Variants in FANCM observed in about 807,000 individuals in gnomAD.
The protein encoded by FANCM is Fanconi anemia group M protein.
A neutral mutation model predicts 199.5 loss-of-function variants in FANCM; 140 were observed. That is an observed-to-expected ratio of 0.70 (90% CI 0.61 to 0.81). FANCM has a LOEUF of 0.81. FANCM is among the 30% of genes least tolerant of loss of function. The pLI is 0.00. For synonymous variants in FANCM, 840 were observed against 836.8 expected (o/e 1.00, Z -0.07); for missense variants, 2,410 against 2,421.4 (o/e 1.00, Z 0.10).
chr14:45,170,567 C>A (rs1490013702), intron 11 of FANCM, 22 bp from the exon 12 acceptor site: 1 of 1,556,858 alleles, frequency 6.4e-7, no homozygotes, highest in South Asian at 1.1e-5. Flanking sequence ...AGTCTCTTTT[C>A]CATTATTTTT....
In FANCM at chr14:45,160,690, G is replaced by A. The variant is rs1477391609; in HGVS notation, c.1581+1410G>A. ...CTCCCGAGTAGCTGGGACTACAGGT[G>A]CCCACCACGCCCAGCTAATTTTTTG... On this transcript the variant is annotated intron_variant, in intron 9 of 22. Transcript: ENST00000267430. Among the ~76,000 whole-genome samples the A allele has an allele frequency of 1.5e-4, 22 of 151,722 alleles. 1 individual carries two copies. The highest frequency in any genetic ancestry group is 1.4e-3 in the Admixed American group (22 of 15,236).
chr14:45,146,776 T>C (rs369450455), intron 3 of FANCM, among the ~76,000 whole-genome samples: 2 of 134,570 alleles, frequency 1.5e-5, no homozygotes, highest in South Asian at 2.2e-4. Flanking sequence ...GAGCTTGCAG[T>C]GAGCCGAGAT....
intron 20 of FANCM, among the ~76,000 whole-genome samples, chr14:45,194,532 T>C (rs1889953327): frequency 6.6e-6 from 1 of 152,214 alleles, no homozygotes; most frequent in Non-Finnish European, 1.5e-5. Flanking sequence ...CTTAAAACTG[T>C]ATCCTCAGGT....
chr14:45,192,778 A>G (rs1889844761), intron 20 of FANCM, among the ~76,000 whole-genome samples: 1 of 152,126 alleles, frequency 6.6e-6, no homozygotes, highest in Non-Finnish European at 1.5e-5. Context: ...GCGGTGAGCT[A>G]TGATCATGCC....
chr14:45,168,733 T>C (rs1046287132), intron 11 of FANCM, among the ~76,000 whole-genome samples: 2 of 148,098 alleles, frequency 1.4e-5, no homozygotes, highest in African/African-American at 4.9e-5. Flanking sequence ...TTACTATGTA[T>C]TTTGCTAATG....
At chr14:45,158,079 G>A (rs1175510412) in intron 8 of FANCM, among the ~76,000 whole-genome samples, 1 of 151,998 alleles carries the variant, frequency 6.6e-6, no homozygotes, top group Non-Finnish European at 1.5e-5. Flanking sequence ...TGAGCCTGTA[G>A]TCCCAGCTAC....
In FANCM at chr14:45,143,913, C is replaced by T. The variant is rs541288823; in HGVS notation, c.759+3204C>T. On this transcript the variant is annotated intron_variant, in intron 3 of 22. Coordinates refer to ENST00000267430, the MANE Select transcript of FANCM (RefSeq NM_020937.4). ...TTCACCATGTTGGTCAGGCTGGTCT[C>T]GAACCCCTGACCTCGTGATCTACCC... is the stretch of plus-strand genomic sequence containing the variant. Among the ~76,000 whole-genome samples, 48 of 151,462 alleles carry T rather than the reference C, an allele frequency of 3.2e-4. 1 individual carries two copies. The highest frequency in any genetic ancestry group is 3.4e-3 in the Middle Eastern group (1 of 290).
At chr14:45,188,739 A>G (rs1024316739) in intron 19 of FANCM, 63 bp from the exon 20 acceptor site, 28 of 1,216,852 alleles carry the variant, frequency 2.3e-5, no homozygotes, top group Non-Finnish European at 3.4e-5. Flanking sequence ...GCCTAGAAGT[A>G]TATTTTAAAT....
At chr14:45,149,092 A>AT in intron 4 of FANCM, 97 bp downstream of exon 4, 1 of 1,023,846 alleles carries the variant, frequency 9.8e-7, no homozygotes, top group Non-Finnish European at 1.4e-6. Context: ...TAGTTATCTT[A>AT]TTTTTATATA....
chr14:45,175,744 C>T lies in FANCM; in HGVS notation c.2990C>T (p.Ser997Phe). ...AATGTAGAGAGATTTTTATCTTATT[C>T]TCCTCCGCCTCTCAGTGGACTCTCA... ...LANVERFLSY[S>F]PPPLSGLSDL... The change falls in exon 14 of 23, where the codon TCT becomes TTT. Residue 997 changes from serine (S) to phenylalanine (F), a missense_variant. Ser to Phe is a radical substitution (Grantham distance 155, BLOSUM62 -2). Coordinates refer to ENST00000267430, the MANE Select transcript of FANCM (RefSeq NM_020937.4). 6.2e-7 allele frequency: 1 copy of T among 1,613,712 alleles called. No homozygotes were observed. Among genetic ancestry groups the T allele is most frequent in the Non-Finnish European group, 8.5e-7 (1 of 1,179,830 alleles).
Position 45,175,237 on chromosome 14 carries a change from C to T in FANCM, c.2483C>T (p.Ser828Leu), listed in dbSNP as rs2139241785. Reference protein sequence around the residue: ...IKNINQGSSSSVIESDEECAE... With the variant: ...IKNINQGSSSLVIESDEECAE... ...AACATAAATCAAGGCAGTTCATCCT[C>T]AGTGATAGAATCTGATGAAGAATGT... Residue 828 changes from serine to leucine, a missense_variant, in exon 14 of 23, where the codon TCA (serine) becomes TTA (leucine). Coordinates refer to ENST00000267430, the MANE Select transcript of FANCM (RefSeq NM_020937.4). The T allele has an allele frequency of 1.2e-6, 2 of 1,610,974 alleles. No individual in the cohort carries two copies. The highest frequency in any genetic ancestry group is 1.7e-6 in the Non-Finnish European group (2 of 1,178,902).
chr14:45,196,173 A>G lies in FANCM; in HGVS notation c.5342A>G (p.Asp1781Gly), dbSNP rs752053357. Residue 1781 changes from aspartate to glycine, a missense_variant and splice_region_variant, in exon 21 of 23, where the codon GAT becomes GGT. Asp to Gly is a moderately conservative substitution (Grantham distance 94). Transcript: ENST00000267430. ...GACCAGTGTTTTCCACTTTTTCAGG[A>G]TGGTAGTGCTTTGGAGGATTCTAGC... is the stretch of plus-strand genomic sequence containing the variant. The part of the protein sequence containing the change: ...DCRKFPVPQK[D>G]GSALEDSSTS... 7 of 1,614,074 alleles carry G rather than the reference A, an allele frequency of 4.3e-6. No homozygotes were observed. The South Asian group carries it at 4.4e-5, about 10-fold the overall frequency.
intron 11 of FANCM, among the ~76,000 whole-genome samples, chr14:45,169,652 C>A: frequency 6.6e-6 from 1 of 152,016 alleles, no homozygotes. Flanking sequence ...CCTCCCTCCT[C>A]GGCCTCCCAA....
chr14:45,177,132 A>G (rs1887476613), intron 14 of FANCM, among the ~76,000 whole-genome samples, 156 bp downstream of exon 14: 2 of 152,206 alleles, frequency 1.3e-5, no homozygotes, highest in Admixed American at 1.3e-4. Flanking sequence ...AGATGATCTT[A>G]CTAATATTAG....
intron 2 of FANCM, 135 bp from the exon 3 acceptor site, chr14:45,140,497 G>A: frequency 3.0e-6 from 2 of 664,580 alleles, no homozygotes; most frequent in Admixed American, 2.4e-5. Flanking sequence ...ATAACTGGTG[G>A]TAGTTCACTC....
chr14:45,155,547 T>C (rs547369833), intron 8 of FANCM, 88 bp downstream of exon 8: 37 of 724,760 alleles, frequency 5.1e-5, no homozygotes, highest in Non-Finnish European at 8.7e-5. Flanking sequence ...GGTTCACACC[T>C]GTAATCCCAG....
At chr14:45,185,597 C>T (rs1889351259) in intron 18 of FANCM, among the ~76,000 whole-genome samples, 1 of 151,982 alleles carries the variant, frequency 6.6e-6, no homozygotes, top group South Asian at 2.1e-4. Context: ...TCAGATTGAC[C>T]TGGGTTGCTC....
intron 13 of FANCM, among the ~76,000 whole-genome samples, chr14:45,174,425 T>G (rs1474795208): frequency 6.6e-6 from 1 of 151,724 alleles, no homozygotes; most frequent in Non-Finnish European, 1.5e-5. Context: ...GGTAACTGCT[T>G]AAGTCTATAA....
chr14:45,187,060 G>A (rs1460988770), intron 18 of FANCM, among the ~76,000 whole-genome samples: 2 of 152,102 alleles, frequency 1.3e-5, no homozygotes, highest in African/African-American at 2.4e-5. Flanking sequence ...TAGAAAAAAA[G>A]GAGGAGTCAG....
Sources: allele counts gnomAD v4.1 joint callset (sites outside exome capture counted in the v4.1 genomes callset), GRCh38; gene constraint gnomAD v4.1.1; transcripts MANE v1.5; gene names NCBI Gene and HGNC (gene_info 2026-07-23, HGNC 2026-07-21).